Variants in PRUNE2 observed in about 807,000 individuals in gnomAD.
The protein encoded by PRUNE2 is protein prune homolog 2.
In PRUNE2, 164 loss-of-function variants were observed where a neutral mutation model predicts 252.0. That is an observed-to-expected ratio of 0.65 (90% CI 0.57 to 0.74). The LOEUF is 0.74. Ranked by LOEUF, PRUNE2 falls within the 30% of genes least tolerant of loss-of-function variation. The pLI is 0.00. For synonymous variants in PRUNE2, 1,292 were observed against 1,350.2 expected (o/e 0.96, Z 0.94); for missense variants, 3,495 against 3,711.0 (o/e 0.94, Z 1.51).
At position 76,711,080 on chromosome 9, in the gene PRUNE2, G is replaced by A. The variant is rs755406745; in HGVS notation, c.1194C>T (p.Ser398=). 6 of 1,614,016 alleles carry A rather than the reference G, an allele frequency of 3.7e-6. No homozygotes were observed. The highest frequency in any genetic ancestry group is 3.4e-6 in the Non-Finnish European group (4 of 1,179,886). ...GAGGGTTCTCTATGAAATTCACAGAGCTGGGTTGTGGCTCTATGTCAGAAC... is the reference window on the plus strand; with the variant it reads ...GAGGGTTCTCTATGAAATTCACAGAACTGGGTTGTGGCTCTATGTCAGAAC... The part of the protein sequence containing the change: ...LYGSDIEPQP[S]SVNFIENPPD... The change falls in exon 8 of 19, where the codon AGC becomes AGT. Residue 398 remains serine (S), a synonymous_variant. Transcript: ENST00000376718.
chr9:76,905,880 T>A (rs201837315), intron 1 of PRUNE2, 48 bp downstream of exon 1: 2 of 1,612,728 alleles, frequency 1.2e-6, no homozygotes, highest in Non-Finnish European at 1.7e-6. Context: ...CACCTTTCCA[T>A]TAGCATACGC....
rs1313812151 is a variant in PRUNE2, at chr9:76,612,960, TCTTTGTAATAGGAGACA to T, written c.*1593_*1609del. ...CCCTTCATTTTTATTTCTGCCAGCT[TCTTTGTAATAGGAGACA>T]CTGGAGACTAAGAATGGTTCCCAGA... On this transcript the variant is annotated 3_prime_UTR_variant, in exon 19 of 19. Transcript: ENST00000376718. The T allele has an allele frequency of 2.0e-5, 3 of 152,178 alleles. No individual in the cohort carries two copies. The highest frequency in any genetic ancestry group is 7.2e-5 in the African/African-American group (3 of 41,426). The allele number at this position is 152,178 out of a possible 1,614,324, so 9.4% of individuals were successfully genotyped here.
chr9:76,616,347 TTTGATTTGGTGA>T (rs1829665316), intron 18 of PRUNE2, among the ~76,000 whole-genome samples: 1 of 152,188 alleles, frequency 6.6e-6, no homozygotes, highest in African/African-American at 2.4e-5. Context: ...CTGTAGTAAG[TTTGATTTGGTGA>T]TTGGAAATTT....
intron 9 of PRUNE2, among the ~76,000 whole-genome samples, chr9:76,690,875 C>T (rs1002013963): frequency 1.3e-5 from 2 of 152,114 alleles, no homozygotes; most frequent in African/African-American, 4.8e-5. Flanking sequence ...GCTTTCAGTA[C>T]CCTAAAAATG....
At chr9:76,889,031 C>CG (rs2062289231) in intron 1 of PRUNE2, among the ~76,000 whole-genome samples, 2 of 151,918 alleles carry the variant, frequency 1.3e-5, no homozygotes, top group African/African-American at 4.8e-5. Flanking sequence ...TTAGTAGAGA[C>CG]GGGGTTTCAC....
At chr9:76,794,163 T>A (rs1279782389) in intron 6 of PRUNE2, among the ~76,000 whole-genome samples, 1 of 152,182 alleles carries the variant, frequency 6.6e-6, no homozygotes, top group African/African-American at 2.4e-5. Context: ...AACAATCCTA[T>A]GAACTAGGTT....
At chr9:76,801,015 C>T (rs1023050161) in intron 6 of PRUNE2, among the ~76,000 whole-genome samples, 2 of 152,180 alleles carry the variant, frequency 1.3e-5, no homozygotes, top group African/African-American at 4.8e-5. Context: ...GCAGTGTTTT[C>T]CTTACCAGTC....
chr9:76,615,769 G>GTTTTTTTTTTT lies in PRUNE2; in HGVS notation c.9237-1180_9237-1170dup, dbSNP rs58726178. Among the ~76,000 whole-genome samples the GTTTTTTTTTTT allele has an allele frequency of 1.6e-4, 15 of 93,984 alleles. 1 individual carries two copies. Among genetic ancestry groups the GTTTTTTTTTTT allele is most frequent in the South Asian group, 3.9e-4 (1 of 2,566 alleles). The allele number at this position is 93,984 out of a possible 152,430, so 61.7% of individuals were successfully genotyped here. A position where few individuals can be genotyped will look rare whatever the true frequency, so the allele number is the denominator to read the frequency against. ...TTTTTGTTGTTGTTTTGTGTGTGTG[G>GTTTTTTTTTTT]TTTTTTTTTTTTTTTTTTTGAGATG... On this transcript the variant is annotated intron_variant, in intron 18 of 18. Transcript: ENST00000376718.
Position 76,747,291 on chromosome 9 carries a change from C to A in PRUNE2, c.757-33570G>T, listed in dbSNP as rs532395867. 2.6e-3 allele frequency among the ~76,000 whole-genome samples: 398 copies of A among 152,250 alleles called. 1 individual carries two copies. The highest frequency in any genetic ancestry group is 9.3e-3 in the African/African-American group (386 of 41,540). ...GAAACCCTCCCATTAAAAGAAAATT[C>A]TTTTAACGAGAATCAGTGGGTTTTC... is the stretch of plus-strand genomic sequence containing the variant. On this transcript the variant is annotated intron_variant, in intron 6 of 18. Coordinates refer to ENST00000376718, the MANE Select transcript of PRUNE2 (RefSeq NM_015225.3).
chr9:76,824,799 AACAG>A (rs1213448002), intron 5 of PRUNE2, among the ~76,000 whole-genome samples: 2 of 152,228 alleles, frequency 1.3e-5, no homozygotes, highest in African/African-American at 4.8e-5. Flanking sequence ...CACATGAGGA[AACAG>A]ACAGGCACTA....
intron 3 of PRUNE2, among the ~76,000 whole-genome samples, chr9:76,850,005 G>C (rs1440258093): frequency 2.0e-5 from 3 of 152,106 alleles, no homozygotes; most frequent in Non-Finnish European, 4.4e-5. Flanking sequence ...CATGTCCTCT[G>C]CCTTGCCGTT....
At chr9:76,666,300 ACT>A (rs2040151147) in intron 9 of PRUNE2, among the ~76,000 whole-genome samples, 1 of 151,812 alleles carries the variant, frequency 6.6e-6, no homozygotes, top group Admixed American at 6.6e-5. Context: ...TTTAGAGAAG[ACT>A]CTACTCCTCC....
chr9:76,773,520 T>C (rs1385693719), intron 6 of PRUNE2, among the ~76,000 whole-genome samples: 2 of 150,662 alleles, frequency 1.3e-5, no homozygotes, highest in Non-Finnish European at 2.9e-5. Flanking sequence ...CTTGGCTCAC[T>C]GTAACCTCCA....
chr9:76,761,725 A>C (rs1466872458), intron 6 of PRUNE2, among the ~76,000 whole-genome samples: 1 of 152,228 alleles, frequency 6.6e-6, no homozygotes, highest in African/African-American at 2.4e-5. Context: ...AAATAATTTT[A>C]AAATACTTCA....
intron 1 of PRUNE2, among the ~76,000 whole-genome samples, chr9:76,856,058 C>T (rs1441543389): frequency 6.6e-6 from 1 of 152,142 alleles, no homozygotes; most frequent in African/African-American, 2.4e-5. Context: ...GCTATTCTTC[C>T]GAGAAGCTCA....
chr9:76,702,237 T>C (rs535976842), intron 9 of PRUNE2, among the ~76,000 whole-genome samples: 1 of 152,162 alleles, frequency 6.6e-6, no homozygotes, highest in South Asian at 2.1e-4. Context: ...TTTGAATTTT[T>C]AGTAGAGACG....
At chr9:76,723,810 CT>C (rs66816205) in intron 6 of PRUNE2, among the ~76,000 whole-genome samples, 243 of 138,588 alleles carry the variant, frequency 1.8e-3, no homozygotes, top group Middle Eastern at 0.011. Context: ...GCATATCTTT[CT>C]TTTTTTTTTT....
At chr9:76,683,392 AACATTG>A (rs1362840181) in intron 9 of PRUNE2, among the ~76,000 whole-genome samples, 1 of 152,208 alleles carries the variant, frequency 6.6e-6, no homozygotes, top group African/African-American at 2.4e-5. Flanking sequence ...AAAATGGGTA[AACATTG>A]ACTGCGTGGT....
At chr9:76,878,899 A>G (rs2061604706) in intron 1 of PRUNE2, among the ~76,000 whole-genome samples, 1 of 152,234 alleles carries the variant, frequency 6.6e-6, no homozygotes, top group Admixed American at 6.5e-5. Context: ...AAACAAAATT[A>G]GGAGTTAGAA....
Sources: allele counts gnomAD v4.1 joint callset (sites outside exome capture counted in the v4.1 genomes callset), GRCh38; gene constraint gnomAD v4.1.1; transcripts MANE v1.5; gene names NCBI Gene and HGNC (gene_info 2026-07-23, HGNC 2026-07-21).